Variants in TEX14 observed in about 807,000 individuals in gnomAD.
TEX14 encodes inactive serine/threonine-protein kinase TEX14.
Under a neutral mutation model 178.6 loss-of-function variants are expected in TEX14, and 168 were observed. That is an observed-to-expected ratio of 0.94 (90% confidence interval 0.83 to 1.07). The LOEUF is 1.07. Ranked by LOEUF, TEX14 falls within the 50% of genes least tolerant of loss-of-function variation. TEX14 has a pLI of 0.00. For synonymous variants in TEX14, 626 were observed against 634.1 expected (o/e 0.99, Z 0.19); for missense variants, 1,730 against 1,753.6 (o/e 0.99, Z 0.24).
At chr17:58,604,894 A>G (rs2045568482) in intron 11 of TEX14, 84 bp downstream of exon 11, 2 of 1,472,302 alleles carry the variant, frequency 1.4e-6, no homozygotes, top group African/African-American at 1.4e-5. Flanking sequence ...TTCTATTTTC[A>G]TAAAAGTCAG....
At chr17:58,577,579 G>T (rs1408486004) in intron 20 of TEX14, 123 bp from the exon 21 acceptor site, 3 of 356,208 alleles carry the variant, frequency 8.4e-6, no homozygotes, top group Non-Finnish European at 1.4e-5. Flanking sequence ...AAATAATCTG[G>T]ATAAACAAAG....
At chr17:58,654,551 G>A (rs1331004620) in intron 1 of TEX14, among the ~76,000 whole-genome samples, 1 of 146,618 alleles carries the variant, frequency 6.8e-6, no homozygotes, top group Non-Finnish European at 1.5e-5. Flanking sequence ...TTGTTGCCCA[G>A]GCTGCAGTGT....
chr17:58,595,265 C>A (rs956119236), intron 14 of TEX14, among the ~76,000 whole-genome samples: 1 of 152,142 alleles, frequency 6.6e-6, no homozygotes. Context: ...ATGGAGATGG[C>A]TTTTTCCCTG....
chr17:58,573,725 G>A (rs948673305), intron 22 of TEX14, among the ~76,000 whole-genome samples: 2 of 152,108 alleles, frequency 1.3e-5, no homozygotes, highest in African/African-American at 4.8e-5. Context: ...TACCATGTTG[G>A]CCAGGCTGGT....
chr17:58,612,665 G>T (rs2144518964), intron 9 of TEX14, among the ~76,000 whole-genome samples: 1 of 150,716 alleles, frequency 6.6e-6, no homozygotes, highest in Non-Finnish European at 1.5e-5. Context: ...AACCAGGGAG[G>T]CAGAAGTTGC....
chr17:58,662,355 CAGG>C (rs1310561086), intron 1 of TEX14, among the ~76,000 whole-genome samples: 2 of 151,134 alleles, frequency 1.3e-5, no homozygotes, highest in Non-Finnish European at 3.0e-5. Flanking sequence ...GAGGCTGAGG[CAGG>C]AGAATTGCTT....
Position 58,602,432 on chromosome 17 carries a change from C to T in TEX14, c.1495G>A (p.Asp499Asn). Reference protein sequence around the residue: ...KQKDRTMNLQDIRYILKNDLK... With the variant: ...KQKDRTMNLQNIRYILKNDLK... ...TCATTCTTCAGAATATACCGGATAT[C>T]TTGAAGGTTCATAGTTCGGTCTTTC... is the stretch of plus-strand genomic sequence containing the variant. The change falls in exon 12 of 32, where the codon GAT becomes AAT. Residue 499 changes from aspartate to asparagine, a missense_variant. By Grantham distance (23) the Asp-to-Asn change is conservative. This residue lies in a region of TEX14 where 789 missense variants were observed against 681.2 expected (regional missense o/e 1.16). Transcript: ENST00000349033. 1 of 1,614,020 alleles carries T rather than the reference C, an allele frequency of 6.2e-7. No homozygotes were observed. Among genetic ancestry groups the T allele is most frequent in the Non-Finnish European group, 8.5e-7 (1 of 1,179,980 alleles).
rs1284599870 is a variant in TEX14, at chr17:58,569,881, T to C, written c.3817+504A>G. The stretch of plus-strand genomic sequence containing the variant: ...TTCTCAGACCTTGTGATTTGGAAAC[T>C]GTCTTCTAAGAATCTATCCTAAGGA... On this transcript the variant is annotated intron_variant, in intron 25 of 31. Transcript: ENST00000349033. The surrounding 1 kb of genome is among the most constrained non-coding windows in gnomAD (Gnocchi z 4.1). Among the ~76,000 whole-genome samples the C allele has an allele frequency of 1.3e-5, 2 of 152,216 alleles. No homozygotes were observed. Among genetic ancestry groups the C allele is most frequent in the Admixed American group, 6.6e-5 (1 of 15,264 alleles).
chr17:58,556,723 T>A lies in TEX14; in HGVS notation c.*288A>T. On this transcript the variant is annotated 3_prime_UTR_variant, in exon 32 of 32. Transcript: ENST00000349033. ...TTTTATTATATAACAAGAGTTAAAG[T>A]TTTTGAAAATTAACATCAACAAAAC... The A allele has an allele frequency of 2.6e-6, 1 of 381,758 alleles. No homozygotes were observed. Among genetic ancestry groups the A allele is most frequent in the East Asian group, 3.9e-5 (1 of 25,416 alleles). The allele number at this position is 381,758 out of a possible 1,614,324, so 23.6% of individuals were successfully genotyped here.
At chr17:58,610,939 A>T (rs990393681) in intron 10 of TEX14, among the ~76,000 whole-genome samples, 1 of 152,054 alleles carries the variant, frequency 6.6e-6, no homozygotes, top group Non-Finnish European at 1.5e-5. Context: ...ATTTATGCAC[A>T]TTGGCTAATA....
In TEX14 at chr17:58,616,237, C is replaced by T. The variant is rs763800384; in HGVS notation, c.705G>A (p.Val235=). ...GSLPVIGEKE[V]IQADDEPTFS... is the part of the protein sequence containing the mutation. ...AGGTGGGCTCATCATCAGCTTGAAT[C>T]ACTTCCTTTTCTCCAATGACCGGAA... The change falls in exon 7 of 32, where the codon GTG becomes GTA. Residue 235 remains valine (V), a synonymous_variant. Coordinates refer to ENST00000349033, the MANE Select transcript of TEX14 (RefSeq NM_031272.5). 5.6e-6 allele frequency: 9 copies of T among 1,614,014 alleles called. No homozygotes were observed. In the South Asian group the frequency reaches 7.7e-5, roughly 14 times the overall value.
chr17:58,640,371 G>A (rs115289924), intron 2 of TEX14, among the ~76,000 whole-genome samples: 1,685 of 151,924 alleles, frequency 0.011, 31 homozygotes, highest in African/African-American at 0.039. Context: ...CGTCACATGA[G>A]ATAAGTACTA....
intron 1 of TEX14, among the ~76,000 whole-genome samples, chr17:58,687,661 T>G (rs1365470650): frequency 6.6e-6 from 1 of 151,936 alleles, no homozygotes; most frequent in Non-Finnish European, 1.5e-5. Flanking sequence ...AGTTCTATGT[T>G]CTTAGGCTAA....
intron 28 of TEX14, among the ~76,000 whole-genome samples, chr17:58,563,791 T>C (rs868557679): frequency 6.9e-5 from 10 of 144,314 alleles, no homozygotes; most frequent in African/African-American, 2.0e-4. Context: ...TGTATACATA[T>C]ATATGTATAC....
chr17:58,571,889 A>C (rs2044538517), intron 24 of TEX14, 32 bp downstream of exon 24: 2 of 1,599,312 alleles, frequency 1.3e-6, no homozygotes, highest in Non-Finnish European at 1.7e-6. Context: ...GGCTGACTCC[A>C]TGAGTTTGTA....
At chr17:58,673,144 T>C (rs936586009) in intron 1 of TEX14, among the ~76,000 whole-genome samples, 6 of 152,090 alleles carry the variant, frequency 3.9e-5, no homozygotes, top group Admixed American at 3.9e-4. Flanking sequence ...GGGGATGTTT[T>C]TGTTTCCCTG....
At chr17:58,654,930 C>T (rs1311279095) in intron 1 of TEX14, among the ~76,000 whole-genome samples, 8 of 151,780 alleles carry the variant, frequency 5.3e-5, no homozygotes, top group Admixed American at 3.3e-4. Context: ...GGATTATAGG[C>T]GTGAGTCACC....
chr17:58,571,780 G>C (rs1241929544), intron 24 of TEX14, 141 bp downstream of exon 24: 6 of 676,750 alleles, frequency 8.9e-6, no homozygotes, highest in Non-Finnish European at 1.5e-5. Flanking sequence ...ATAGACTCAA[G>C]AGAGGAGTCC....
chr17:58,625,890 G>C (rs1456204566), intron 3 of TEX14, among the ~76,000 whole-genome samples: 1 of 151,948 alleles, frequency 6.6e-6, no homozygotes, highest in African/African-American at 2.4e-5. Context: ...ACAGGCGCCC[G>C]CCACCATGGC....
Sources: gnomAD v4.1 joint callset for allele counts (sites outside exome capture counted in the v4.1 genomes callset) on GRCh38, gnomAD v4.1.1 for gene constraint, gnomAD v4.1.1 regional missense constraint, Gnocchi (gnomAD v3.1) non-coding constraint, MANE v1.5 for transcripts, NCBI Gene and HGNC (gene_info 2026-07-23, HGNC 2026-07-21) for gene names.